Variants in KMT2C observed in about 807,000 individuals in gnomAD.
KMT2C encodes histone-lysine N-methyltransferase 2C.
A neutral mutation model predicts 507.9 loss-of-function variants in KMT2C; 88 were observed. That is an observed-to-expected ratio of 0.17 (90% CI 0.15 to 0.21). The LOEUF is 0.21. Among genes scored for constraint, KMT2C ranks in the 10% least tolerant of loss-of-function variants. The probability of loss-of-function intolerance (pLI) is 1.00; values close to 1 mark genes in which losing one functional copy is unlikely to be tolerated. For missense variants in KMT2C, 4,954 were observed against 5,957.8 expected, an observed-to-expected ratio of 0.83 and a Z score of 5.55; for synonymous variants, 2,049 against 2,080.8, an observed-to-expected ratio of 0.98 and a Z score of 0.42.
chr7:152,309,507 C>CTTTTTTTT (rs60166582), intron 6 of KMT2C, among the ~76,000 whole-genome samples: 1 of 87,970 alleles, frequency 1.1e-5, no homozygotes, highest in Non-Finnish European at 2.1e-5. Context: ...CATAAAATAA[C>CTTTTTTTT]TTTTTTTTTT....
At chr7:152,209,705 A>G (rs1425206291) in intron 23 of KMT2C, among the ~76,000 whole-genome samples, 1 of 150,942 alleles carries the variant, frequency 6.6e-6, no homozygotes, top group Non-Finnish European at 1.5e-5. Context: ...ACACTACTGC[A>G]TTCTAGCCTG....
chr7:152,169,131 T>TA (rs2092852491), intron 41 of KMT2C, 55 bp downstream of exon 41: 4 of 1,086,098 alleles, frequency 3.7e-6, no homozygotes, highest in African/African-American at 1.5e-5. Flanking sequence ...ACAGCACACA[T>TA]AGAGTGCAGA....
At chr7:152,414,685 GAGGTTT>G (rs994783516) in intron 1 of KMT2C, among the ~76,000 whole-genome samples, 1 of 151,632 alleles carries the variant, frequency 6.6e-6, no homozygotes, top group Non-Finnish European at 1.5e-5. Context: ...TAGTAGGGAA[GAGGTTT>G]CACCATGTTG....
chr7:152,379,572 CAGGCGTGG>C (rs1478519200), intron 1 of KMT2C, among the ~76,000 whole-genome samples: 2 of 152,048 alleles, frequency 1.3e-5, no homozygotes, highest in African/African-American at 4.8e-5. Flanking sequence ...ACAAAGGAGC[CAGGCGTGG>C]TGGTGCACAC....
At chr7:152,433,104 T>G (rs1246068719) in intron 1 of KMT2C, among the ~76,000 whole-genome samples, 1 of 149,380 alleles carries the variant, frequency 6.7e-6, no homozygotes, top group East Asian at 2.0e-4. Context: ...GCCGAGATCA[T>G]ACCACTGCAC....
At chr7:152,271,831 T>C (rs180963571) in intron 7 of KMT2C, among the ~76,000 whole-genome samples, 4 of 152,132 alleles carry the variant, frequency 2.6e-5, no homozygotes, top group Non-Finnish European at 4.4e-5. Context: ...TAATTTTTCA[T>C]TGCATTGTAT....
At chr7:152,352,469 T>G (rs998993577) in intron 2 of KMT2C, among the ~76,000 whole-genome samples, 1 of 152,136 alleles carries the variant, frequency 6.6e-6, no homozygotes, top group Admixed American at 6.6e-5. Context: ...TCCCTCCCCT[T>G]TGAAAATCAC....
At chr7:152,137,702 C>G (rs1354030838) in intron 58 of KMT2C, 2 of 152,214 alleles carry the variant, frequency 1.3e-5, no homozygotes, top group Non-Finnish European at 2.9e-5. Flanking sequence ...GTAAGGAAGT[C>G]ATTTTCTCTA....
chr7:152,179,668 G>GC (rs2093362255), intron 37 of KMT2C, among the ~76,000 whole-genome samples, 166 bp downstream of exon 37: 3 of 143,694 alleles, frequency 2.1e-5, no homozygotes, highest in African/African-American at 7.5e-5. Context: ...TTGGGGGGGG[G>GC]GGGGGGTGGT....
chr7:152,169,400 A>C (rs2092863689), intron 40 of KMT2C, 151 bp from the exon 41 acceptor site: 1 of 606,538 alleles, frequency 1.6e-6, no homozygotes, highest in East Asian at 2.8e-5. Context: ...TAAAAAGTAG[A>C]GTGAATTTAG....
chr7:152,280,083 CTCTTTGAAAGCGGAG>C (rs1313712174), intron 6 of KMT2C, among the ~76,000 whole-genome samples: 13 of 152,252 alleles, frequency 8.5e-5, no homozygotes, highest in Admixed American at 5.9e-4. Flanking sequence ...ATCAAATAAC[CTCTTTGAAAGCGGAG>C]TTTTCTCCAG....
chr7:152,191,825 T>A (rs2093803166), intron 31 of KMT2C, among the ~76,000 whole-genome samples: 2 of 152,222 alleles, frequency 1.3e-5, no homozygotes, highest in South Asian at 4.1e-4. Context: ...TCGCCCTATA[T>A]GTAACTTGAT....
chr7:152,225,301 A>T (rs1180759725), intron 18 of KMT2C, among the ~76,000 whole-genome samples: 8 of 152,216 alleles, frequency 5.3e-5, no homozygotes, highest in Non-Finnish European at 1.5e-5. Context: ...CATTATAATA[A>T]AACAGCAAGT....
intron 14 of KMT2C, among the ~76,000 whole-genome samples, chr7:152,247,622 A>T (rs2095494484): frequency 6.6e-6 from 1 of 152,304 alleles, no homozygotes; most frequent in Non-Finnish European, 1.5e-5. Context: ...AACTAAAAGA[A>T]TTTTTAAAGT....
At chr7:152,139,872 G>A (rs2090330671) in intron 55 of KMT2C, 81 bp from the exon 56 acceptor site, 12 of 928,544 alleles carry the variant, frequency 1.3e-5, no homozygotes, top group Admixed American at 8.4e-5. Context: ...TTTCACCCTC[G>A]GGTCTTATTA....
At chr7:152,161,767 T>C (rs991523325) in intron 43 of KMT2C, among the ~76,000 whole-genome samples, 3 of 152,100 alleles carry the variant, frequency 2.0e-5, no homozygotes, top group Admixed American at 2.0e-4. Context: ...TTTAAAGAGG[T>C]TAATGGAAAT....
At chr7:152,229,590 A>C (rs1027146299) in intron 18 of KMT2C, among the ~76,000 whole-genome samples, 14 of 152,318 alleles carry the variant, frequency 9.2e-5, no homozygotes, top group Middle Eastern at 6.8e-3. Flanking sequence ...ATTTTTTACT[A>C]AATATTCCAG....
chr7:152,335,795 T>C (rs564352020), intron 2 of KMT2C, among the ~76,000 whole-genome samples: 26 of 152,214 alleles, frequency 1.7e-4, no homozygotes, highest in African/African-American at 3.6e-4. Context: ...CAGAAGGAAA[T>C]AGAAAAGTTA....
intron 24 of KMT2C, among the ~76,000 whole-genome samples, chr7:152,205,997 T>C (rs959784688): frequency 3.3e-5 from 5 of 152,122 alleles, no homozygotes; most frequent in East Asian, 1.9e-4. Flanking sequence ...ATGGGACACA[T>C]AGAGCCCTGT....
Sources: gnomAD v4.1 joint callset for allele counts (sites outside exome capture counted in the v4.1 genomes callset) on GRCh38, gnomAD v4.1.1 for gene constraint, MANE v1.5 for transcripts, NCBI Gene and HGNC (gene_info 2026-07-23, HGNC 2026-07-21) for gene names.